UBR1: variants seen among roughly 807,000 people sequenced by gnomAD.
UBR1 encodes ubiquitin protein ligase E3 component n-recognin 1.
A neutral mutation model predicts 242.1 loss-of-function variants in UBR1; 102 were observed. The observed-to-expected ratio is 0.42, with a 90% CI of 0.36 to 0.50. The LOEUF (loss-of-function observed/expected upper bound fraction) is 0.50, where lower values mean the gene tolerates loss of function less well. Among genes scored for constraint, UBR1 ranks in the 20% least tolerant of loss-of-function variants. The pLI, the probability that UBR1 is intolerant of heterozygous loss-of-function variation, is 0.01. For missense variants in UBR1, 1,772 were observed against 2,101.8 expected, an observed-to-expected ratio of 0.84 and a Z score of 3.07; for synonymous variants, 675 against 684.8, an observed-to-expected ratio of 0.99 and a Z score of 0.22.
intron 44 of UBR1, among the ~76,000 whole-genome samples, chr15:42,957,500 A>G (rs2031942379): frequency 6.6e-6 from 1 of 152,184 alleles, no homozygotes; most frequent in Non-Finnish European, 1.5e-5. Context: ...GGTTCATTGC[A>G]TGTTATGTGG....
chr15:43,025,256 A>C (rs1177489784), intron 24 of UBR1, 125 bp downstream of exon 24: 2 of 955,932 alleles, frequency 2.1e-6, no homozygotes, highest in African/African-American at 3.3e-5. Context: ...AGAAGCAAAA[A>C]GCTCTTTGCA....
chr15:43,093,790 CA>C (rs35967267), intron 1 of UBR1, among the ~76,000 whole-genome samples: 265 of 52,072 alleles, frequency 5.1e-3, no homozygotes, highest in African/African-American at 7.4e-3. Context: ...GCTCCGTCTC[CA>C]AAAAAAAAAA....
chr15:43,034,935 T>C (rs992412709), intron 19 of UBR1, among the ~76,000 whole-genome samples: 5 of 151,538 alleles, frequency 3.3e-5, no homozygotes, highest in African/African-American at 7.3e-5. Flanking sequence ...CACGTTGTTT[T>C]ATCCAACAAA....
chr15:43,091,906 CAAAAAAAAAAAAAA>C (rs58586323), intron 1 of UBR1: 71 of 180,318 alleles, frequency 3.9e-4, no homozygotes, highest in African/African-American at 4.5e-4. Context: ...TACACCATCT[CAAAAAAAAAAAAAA>C]AAAAAAAAAA....
intron 31 of UBR1, chr15:43,003,358 C>G: frequency 5.3e-6 from 1 of 188,940 alleles, no homozygotes; most frequent in Non-Finnish European, 1.1e-5. Flanking sequence ...TGGGTTCAAG[C>G]GATTCTCCTG....
At chr15:42,996,218 G>A (rs1284572344) in intron 33 of UBR1, among the ~76,000 whole-genome samples, 4 of 152,252 alleles carry the variant, frequency 2.6e-5, no homozygotes, top group Non-Finnish European at 5.9e-5. Flanking sequence ...AAATCTGGCT[G>A]TTAATGCTAT....
At chr15:42,999,875 T>A (rs2032697138) in intron 32 of UBR1, among the ~76,000 whole-genome samples, 1 of 151,874 alleles carries the variant, frequency 6.6e-6, no homozygotes, top group Admixed American at 6.6e-5. Context: ...AAAATAGGAA[T>A]CTTTTTATTG....
At chr15:43,076,934 T>C (rs1457921830) in intron 3 of UBR1, among the ~76,000 whole-genome samples, 2 of 82,254 alleles carry the variant, frequency 2.4e-5, no homozygotes, top group Admixed American at 1.2e-4. Flanking sequence ...CCAGCCGCCC[T>C]ATCCAGGAGG....
intron 1 of UBR1, chr15:43,092,193 C>T: frequency 3.4e-6 from 1 of 297,304 alleles, no homozygotes; most frequent in South Asian, 2.8e-5. Flanking sequence ...TCCCTCCACC[C>T]CCACACCAAC....
chr15:43,087,149 T>C (rs1051515586), intron 1 of UBR1, among the ~76,000 whole-genome samples: 13 of 152,298 alleles, frequency 8.5e-5, no homozygotes, highest in African/African-American at 3.1e-4. Flanking sequence ...CTCACACCTG[T>C]AATCCCAGCA....
chr15:42,980,768 C>G (rs1391288900), intron 37 of UBR1, among the ~76,000 whole-genome samples: 1 of 151,986 alleles, frequency 6.6e-6, no homozygotes, highest in Non-Finnish European at 1.5e-5. Flanking sequence ...ACCACCACAC[C>G]CGGCTAAGTT....
At position 43,058,346 on chromosome 15, in the gene UBR1, C is replaced by T. The variant is rs570440171; in HGVS notation, c.1177G>A (p.Val393Met). 58 of 1,596,550 alleles carry T rather than the reference C, an allele frequency of 3.6e-5. 1 individual carries two copies. The South Asian group carries it at 6.4e-4, about 18-fold the overall frequency. Residue 393 changes from valine (V) to methionine (M), a missense_variant, in exon 10 of 47, where the codon GTG becomes ATG. Physicochemically the swap from Val to Met is conservative, Grantham distance 21. Transcript: ENST00000290650. ...TCTAATTTATAAATAATTACCTTCACAAATTCCATAGCAAAGAGTTTTTTG... is the reference window on the plus strand; with the variant it reads ...TCTAATTTATAAATAATTACCTTCATAAATTCCATAGCAAAGAGTTTTTTG... ...EYKKLFAMEF[V>M]KYYKQLQKEY...
intron 1 of UBR1, among the ~76,000 whole-genome samples, chr15:43,093,827 C>A (rs911120860): frequency 1.3e-5 from 2 of 149,686 alleles, no homozygotes; most frequent in Non-Finnish European, 1.5e-5. Context: ...AAGGCAAGCT[C>A]ATAACTAAGC....
chr15:43,091,994 G>A (rs1177211053), intron 1 of UBR1: 2 of 453,752 alleles, frequency 4.4e-6, no homozygotes, highest in African/African-American at 4.0e-5. Context: ...GCTGAGGTGG[G>A]AGAATTGCTT....
chr15:43,092,549 T>C (rs945418684), intron 1 of UBR1, among the ~76,000 whole-genome samples: 2 of 152,062 alleles, frequency 1.3e-5, no homozygotes, highest in Non-Finnish European at 2.9e-5. Context: ...TTCTATAACT[T>C]TGTGTATAGA....
intron 32 of UBR1, among the ~76,000 whole-genome samples, chr15:42,998,936 G>GTTTT (rs1204992709): frequency 1.7e-5 from 2 of 117,636 alleles, no homozygotes; most frequent in Admixed American, 2.1e-4. Context: ...TGGAGCCTTT[G>GTTTT]CTTTTTTTTT....
intron 40 of UBR1, among the ~76,000 whole-genome samples, chr15:42,967,254 G>C (rs2032122634): frequency 8.0e-6 from 1 of 124,446 alleles, no homozygotes; most frequent in Non-Finnish European, 1.6e-5. Flanking sequence ...ATAGAGACAA[G>C]GTCTCACTAT....
intron 45 of UBR1, 61 bp from the exon 46 acceptor site, chr15:42,950,424 C>A (rs2031815538): frequency 1.4e-6 from 2 of 1,427,846 alleles, no homozygotes; most frequent in South Asian, 2.3e-5. Context: ...ATAGGCACTG[C>A]ATCAATGTTA....
chr15:42,958,499 A>G (rs534940250), intron 43 of UBR1, among the ~76,000 whole-genome samples: 1 of 152,318 alleles, frequency 6.6e-6, no homozygotes, highest in East Asian at 1.9e-4. Flanking sequence ...CCATACTCCA[A>G]TCATGGGGCC....
Sources: gnomAD v4.1 joint callset for allele counts (sites outside exome capture counted in the v4.1 genomes callset) on GRCh38, gnomAD v4.1.1 for gene constraint, MANE v1.5 for transcripts, NCBI Gene and HGNC (gene_info 2026-07-23, HGNC 2026-07-21) for gene names.